Variants in TESC observed in about 807,000 individuals in gnomAD.
TESC encodes the protein tescalcin, also known as calcineurin B homologous protein 3.
Under a neutral mutation model 31.0 loss-of-function variants are expected in TESC, and 19 were observed. The ratio of observed to expected loss-of-function variants is 0.61; its 90% CI spans 0.43 to 0.90. The LOEUF is 0.90. TESC is among the 40% of genes least tolerant of loss of function. The pLI is 0.00. For missense variants in TESC, 248 were observed against 303.8 expected (o/e 0.82, Z 1.36); for synonymous variants, 109 against 114.8 (o/e 0.95, Z 0.32).
intron 2 of TESC, among the ~76,000 whole-genome samples, chr12:117,072,684 G>A (rs548035893): frequency 6.6e-6 from 1 of 152,220 alleles, no homozygotes; most frequent in South Asian, 2.1e-4. Context: ...CTGTCTTGAG[G>A]ACAAAGGGGC....
chr12:117,071,674 T>C (rs1408784699), intron 2 of TESC, among the ~76,000 whole-genome samples: 1 of 151,956 alleles, frequency 6.6e-6, no homozygotes, highest in Non-Finnish European at 1.5e-5. Context: ...ACATATGAGG[T>C]CCTGGGGATG....
At chr12:117,088,194 A>T (rs113386732) in intron 1 of TESC, among the ~76,000 whole-genome samples, 1 of 152,294 alleles carries the variant, frequency 6.6e-6, no homozygotes, top group South Asian at 2.1e-4. Context: ...TTAGAGAAAA[A>T]TTTCTCCATT....
At chr12:117,046,156 C>T (rs948830598) in intron 6 of TESC, among the ~76,000 whole-genome samples, 18 of 152,336 alleles carry the variant, frequency 1.2e-4, no homozygotes, top group South Asian at 1.0e-3. Flanking sequence ...CTGACCCCTG[C>T]CTTCGAGGCC....
chr12:117,054,359 C>A (rs973564385), intron 3 of TESC, among the ~76,000 whole-genome samples: 4 of 152,034 alleles, frequency 2.6e-5, no homozygotes, highest in African/African-American at 9.7e-5. Flanking sequence ...CCCATCTTGG[C>A]TCCTGAAGAC....
chr12:117,060,882 G>A (rs1028093830), intron 2 of TESC, among the ~76,000 whole-genome samples: 6 of 152,224 alleles, frequency 3.9e-5, no homozygotes, highest in African/African-American at 9.6e-5. Flanking sequence ...CAGAGAAGCC[G>A]CTGGCTGCTA....
In TESC at chr12:117,086,558, G is replaced by A. The variant is rs192258258; in HGVS notation, c.59-11218C>T. On this transcript the variant is annotated intron_variant, in intron 1 of 7. Coordinates refer to ENST00000335209, the MANE Select transcript of TESC (RefSeq NM_017899.4). Reference sequence around the variant, plus strand: ...GTGATCCTCCCTGCCTCAGCCTCCCGAGTAGCTGGGACTACAGGTGCACAC... The same window carrying A: ...GTGATCCTCCCTGCCTCAGCCTCCCAAGTAGCTGGGACTACAGGTGCACAC... Among the ~76,000 whole-genome samples, 312 of 151,874 alleles carry A rather than the reference G, an allele frequency of 2.1e-3. 2 individuals carry two copies. The highest frequency in any genetic ancestry group is 7.3e-3 in the African/African-American group (301 of 41,432).
chr12:117,041,891 TG>T, intron 7 of TESC, 55 bp downstream of exon 7: 1 of 1,527,306 alleles, frequency 6.5e-7, no homozygotes, highest in Non-Finnish European at 8.8e-7. Context: ...TCCTGACCAG[TG>T]GGCCACACGA....
At chr12:117,075,939 A>ATGTGTGTGTGTG (rs1213149673) in intron 1 of TESC, among the ~76,000 whole-genome samples, 1 of 104,016 alleles carries the variant, frequency 9.6e-6, no homozygotes, top group Non-Finnish European at 1.8e-5. Context: ...ATATATATAT[A>ATGTGTGTGTGTG]TGTATATATA....
intron 1 of TESC, among the ~76,000 whole-genome samples, chr12:117,080,868 A>C (rs1427413757): frequency 6.6e-6 from 1 of 152,152 alleles, no homozygotes; most frequent in Non-Finnish European, 1.5e-5. Flanking sequence ...CCACGGAAGG[A>C]CCTGCCTTTT....
At chr12:117,089,657 A>G (rs372709699) in intron 1 of TESC, among the ~76,000 whole-genome samples, 46 of 152,348 alleles carry the variant, frequency 3.0e-4, no homozygotes, top group African/African-American at 1.0e-3. Context: ...AGGTTGTAAT[A>G]GCTGAAGAGA....
intron 2 of TESC, among the ~76,000 whole-genome samples, chr12:117,066,545 G>C (rs767959899): frequency 6.6e-6 from 1 of 151,898 alleles, no homozygotes; most frequent in Non-Finnish European, 1.5e-5. Flanking sequence ...CTAGTTTTTT[G>C]TATTTTTAGT....
At chr12:117,075,869 A>ATATATGTGTGTG (rs1955049402) in intron 1 of TESC, among the ~76,000 whole-genome samples, 2 of 31,446 alleles carry the variant, frequency 6.4e-5, no homozygotes, top group African/African-American at 1.7e-4. Flanking sequence ...ATATATATAT[A>ATATATGTGTGTG]TGTGTGTATA....
At chr12:117,077,562 A>C (rs1955090590) in intron 1 of TESC, among the ~76,000 whole-genome samples, 2 of 152,272 alleles carry the variant, frequency 1.3e-5, no homozygotes, top group African/African-American at 4.8e-5. Context: ...TGTGTAATAT[A>C]GTCAAGCAAT....
At chr12:117,066,373 A>AT (rs55744717) in intron 2 of TESC, among the ~76,000 whole-genome samples, 55,570 of 129,528 alleles carry the variant, frequency 0.43, 13,289 homozygotes, top group African/African-American at 0.66. Context: ...TGAATGGCTA[A>AT]TTTTTTTTTT....
chr12:117,096,377 A>T (rs1955395553), intron 1 of TESC, among the ~76,000 whole-genome samples: 1 of 152,094 alleles, frequency 6.6e-6, no homozygotes, highest in African/African-American at 2.4e-5. Flanking sequence ...GGTCTCTGGG[A>T]GCTGACGTTC....
At chr12:117,094,612 C>T (rs1955365947) in intron 1 of TESC, among the ~76,000 whole-genome samples, 1 of 152,074 alleles carries the variant, frequency 6.6e-6, no homozygotes, top group Non-Finnish European at 1.5e-5. Context: ...GCTCCAGGAG[C>T]GCTGAGGATG....
Position 117,056,829 on chromosome 12 carries a change from A to C in TESC, c.186T>G (p.Ile62Met). 2 of 1,614,130 alleles carry C rather than the reference A, an allele frequency of 1.2e-6. No individual in the cohort carries two copies. Among genetic ancestry groups the C allele is most frequent in the Non-Finnish European group, 1.7e-6 (2 of 1,180,008 alleles). The change falls in exon 3 of 8, where the codon ATT becomes ATG. Residue 62 changes from isoleucine to methionine, a missense_variant. Coordinates refer to ENST00000335209, the MANE Select transcript of TESC (RefSeq NM_017899.4). ...ACCTGTTGTCGAAGAAGGCACGAAC[A>C]ATTTTGGATCGGATGGGGTTGAGCT... ...DLELNPIRSK[I>M]VRAFFDNRNL... is the part of the protein sequence containing the mutation.
At chr12:117,048,131 G>A (rs536863613) in intron 4 of TESC, among the ~76,000 whole-genome samples, 1 of 152,298 alleles carries the variant, frequency 6.6e-6, no homozygotes, top group African/African-American at 2.4e-5. Context: ...CAAGAGGCCA[G>A]GGATGCCTGA....
chr12:117,083,371 G>A (rs1392815525), intron 1 of TESC, among the ~76,000 whole-genome samples: 1 of 152,152 alleles, frequency 6.6e-6, no homozygotes, highest in Non-Finnish European at 1.5e-5. Context: ...GAGCCACTGC[G>A]CCCAGCCAAC....
Sources: allele counts gnomAD v4.1 joint callset (sites outside exome capture counted in the v4.1 genomes callset), GRCh38; gene constraint gnomAD v4.1.1; transcripts MANE v1.5; gene names NCBI Gene and HGNC (gene_info 2026-07-23, HGNC 2026-07-21).